CFAP20DC: variants seen among roughly 807,000 people sequenced by gnomAD.
The protein encoded by CFAP20DC is protein CFAP20DC.
In CFAP20DC, 84 loss-of-function variants were observed where a neutral mutation model predicts 101.7. That is an observed-to-expected ratio of 0.83 (90% CI 0.69 to 0.99). The LOEUF (loss-of-function observed/expected upper bound fraction) is 0.99, where lower values mean the gene tolerates loss of function less well. CFAP20DC is among the 50% of genes least tolerant of loss of function. The pLI, the probability that CFAP20DC is intolerant of heterozygous loss-of-function variation, is 0.00. For missense variants in CFAP20DC, 1,007 were observed against 970.3 expected, an observed-to-expected ratio of 1.04 and a Z score of -0.50; for synonymous variants, 359 against 351.2, an observed-to-expected ratio of 1.02 and a Z score of -0.25.
intron 14 of CFAP20DC, among the ~76,000 whole-genome samples, chr3:58,816,924 AG>A (rs1304010872): frequency 1.3e-5 from 2 of 152,226 alleles, no homozygotes; most frequent in Non-Finnish European, 2.9e-5. Flanking sequence ...TGGTTCTCCC[AG>A]CACGCAGCTG....
downstream of CFAP20DC, among the ~76,000 whole-genome samples, chr3:58,740,056 T>C (rs778277409): frequency 7.9e-5 from 12 of 152,190 alleles, 1 homozygote; most frequent in Admixed American, 6.5e-4. This position sits in a 1 kb window ranked among gnomAD's most constrained non-coding sequence, Gnocchi z 4.6. Flanking sequence ...CTGGGATTTT[T>C]GAATTGACAT....
chr3:59,022,936 G>A (rs1351491303), intron 4 of CFAP20DC, among the ~76,000 whole-genome samples: 2 of 152,020 alleles, frequency 1.3e-5, no homozygotes, highest in Non-Finnish European at 2.9e-5. Flanking sequence ...ACCATTTCAA[G>A]AAAATTCACT....
At chr3:58,991,510 A>C (rs1379448935) in intron 4 of CFAP20DC, among the ~76,000 whole-genome samples, 1 of 152,190 alleles carries the variant, frequency 6.6e-6, no homozygotes, top group Non-Finnish European at 1.5e-5. Context: ...ATATCCCTTA[A>C]AACATCAGTT....
intron 15 of CFAP20DC, 94 bp from the exon 16 acceptor site, chr3:58,753,957 A>C: frequency 1.3e-6 from 1 of 770,684 alleles, no homozygotes; most frequent in Non-Finnish European, 2.1e-6. Flanking sequence ...GCTTCCAAAA[A>C]GAAACACTTT....
intron 14 of CFAP20DC, among the ~76,000 whole-genome samples, chr3:58,816,362 C>T (rs1194720643): frequency 6.6e-6 from 1 of 152,186 alleles, no homozygotes; most frequent in Non-Finnish European, 1.5e-5. Context: ...GTGACTTCTG[C>T]ATTTCCATCT....
chr3:58,911,396 G>A (rs1165989413), intron 6 of CFAP20DC, among the ~76,000 whole-genome samples: 5 of 152,070 alleles, frequency 3.3e-5, no homozygotes, highest in African/African-American at 1.2e-4. Flanking sequence ...GTAAAAGATA[G>A]GTAATATTAA....
chr3:58,806,402 TAGA>T lies in CFAP20DC; in HGVS notation c.2227_2229del (p.Ser743del). 1 of 1,597,606 alleles carries T rather than the reference TAGA, an allele frequency of 6.3e-7. No homozygotes were observed. Among genetic ancestry groups the T allele is most frequent in the South Asian group, 1.1e-5 (1 of 90,744 alleles). On this transcript the variant is annotated inframe_deletion, in exon 15 of 17. Transcript: ENST00000482387. The stretch of plus-strand genomic sequence containing the variant: ...ATTATTAATGATTCTTACCGGGGAT[TAGA>T]AGGAGAAGGTGGGTTCATTTCTTTC...
chr3:58,766,348 C>T (rs2070310359), intron 15 of CFAP20DC, among the ~76,000 whole-genome samples: 1 of 152,166 alleles, frequency 6.6e-6, no homozygotes, highest in African/African-American at 2.4e-5. Context: ...GTAGACAATG[C>T]TTGAGGTTCT....
At chr3:59,009,692 C>G (rs530177584) in intron 4 of CFAP20DC, among the ~76,000 whole-genome samples, 4 of 152,222 alleles carry the variant, frequency 2.6e-5, no homozygotes, top group Admixed American at 2.6e-4. Flanking sequence ...TGTCAGAGAC[C>G]TAGACTACCA....
intron 14 of CFAP20DC, among the ~76,000 whole-genome samples, chr3:58,830,492 G>C (rs753553939): frequency 1.3e-5 from 2 of 151,966 alleles, no homozygotes; most frequent in Non-Finnish European, 1.5e-5. Context: ...AAGGCATTAG[G>C]TGCCAGGGCC....
intron 14 of CFAP20DC, among the ~76,000 whole-genome samples, chr3:58,807,683 G>A (rs1393675932): frequency 6.6e-6 from 1 of 152,208 alleles, no homozygotes; most frequent in East Asian, 1.9e-4. Context: ...AAGGAACGCA[G>A]TTCCTCAGCA....
chr3:58,854,208 C>A (rs1165907643), intron 12 of CFAP20DC, among the ~76,000 whole-genome samples: 2 of 151,468 alleles, frequency 1.3e-5, no homozygotes, highest in African/African-American at 2.4e-5. Flanking sequence ...AACAGAGAGC[C>A]AAATCATGAG....
intron 14 of CFAP20DC, among the ~76,000 whole-genome samples, chr3:58,807,809 A>C (rs575816210): frequency 3.4e-3 from 515 of 152,296 alleles, no homozygotes; most frequent in African/African-American, 0.011. Flanking sequence ...GAAGTTAAAA[A>C]CTTTGAAAAA....
chr3:59,029,709 G>T (rs1263880457), intron 4 of CFAP20DC, among the ~76,000 whole-genome samples: 1 of 152,184 alleles, frequency 6.6e-6, no homozygotes, highest in Non-Finnish European at 1.5e-5. Context: ...CTCTACTGCA[G>T]TCTGGAGACT....
At chr3:59,005,326 C>T (rs1281443711) in intron 4 of CFAP20DC, among the ~76,000 whole-genome samples, 1 of 152,112 alleles carries the variant, frequency 6.6e-6, no homozygotes, top group Non-Finnish European at 1.5e-5. Flanking sequence ...ATTTGCCTAG[C>T]CAGGCCTAGT....
chr3:58,864,093 G>A lies in CFAP20DC; in HGVS notation c.1259-201C>T, dbSNP rs1233575459. Among the ~76,000 whole-genome samples, 1 of 152,026 alleles carries A rather than the reference G, an allele frequency of 6.6e-6. No individual in the cohort carries two copies. The highest frequency in any genetic ancestry group is 1.9e-4 in the East Asian group (1 of 5,180). ...CCTGCCTGAGCCTCCTGAGTAGGTG[G>A]GATTACAGGTGCACGCCATCATGCC... On this transcript the variant is annotated intron_variant, in intron 11 of 16. Coordinates refer to ENST00000482387, the MANE Select transcript of CFAP20DC (RefSeq NM_001394063.1). The surrounding 1 kb of genome is among the most constrained non-coding windows in gnomAD (Gnocchi z 4.7).
chr3:58,896,229 C>A (rs2106949973), intron 6 of CFAP20DC, among the ~76,000 whole-genome samples: 1 of 152,116 alleles, frequency 6.6e-6, no homozygotes, highest in East Asian at 1.9e-4. Context: ...TTTGTGGGGT[C>A]AGTGGTTACC....
At chr3:58,967,236 A>T (rs1467912972) in intron 4 of CFAP20DC, among the ~76,000 whole-genome samples, 1 of 152,222 alleles carries the variant, frequency 6.6e-6, no homozygotes, top group Non-Finnish European at 1.5e-5. Context: ...ATTGAGTTCT[A>T]ACAAGGGCAC....
At chr3:58,891,554 G>A (rs2082264841) in intron 6 of CFAP20DC, among the ~76,000 whole-genome samples, 1 of 152,178 alleles carries the variant, frequency 6.6e-6, no homozygotes, top group African/African-American at 2.4e-5. Context: ...TTTCTCTAAT[G>A]ATCAGTGATA....
Sources: gnomAD v4.1 joint callset for allele counts (sites outside exome capture counted in the v4.1 genomes callset) on GRCh38, gnomAD v4.1.1 for gene constraint, Gnocchi (gnomAD v3.1) non-coding constraint, MANE v1.5 for transcripts, NCBI Gene and HGNC (gene_info 2026-07-23, HGNC 2026-07-21) for gene names.